Variants in SLC44A5 observed in about 807,000 individuals in gnomAD.
SLC44A5 encodes the protein choline transporter-like protein 5.
SLC44A5 carries 57 observed loss-of-function variants against 101.8 expected under a neutral mutation model. The observed-to-expected ratio is 0.56, with a 90% CI of 0.45 to 0.70. The LOEUF is 0.70. Among genes scored for constraint, SLC44A5 ranks in the 30% least tolerant of loss-of-function variants. The pLI, the probability that SLC44A5 is intolerant of heterozygous loss-of-function variation, is 0.00. For synonymous variants in SLC44A5, 281 were observed against 290.9 expected (o/e 0.97, Z 0.35); for missense variants, 737 against 853.1 (o/e 0.86, Z 1.70).
chr1:75,306,466 T>A (rs1002089317), intron 4 of SLC44A5, among the ~76,000 whole-genome samples: 3 of 152,176 alleles, frequency 2.0e-5, no homozygotes, highest in African/African-American at 4.8e-5. Context: ...GTAGTGAATA[T>A]GTTGCTTAGA....
At chr1:75,679,642 C>G in the SLC44A5 span, among the ~76,000 whole-genome samples, 1 of 152,044 alleles carries the variant, frequency 6.6e-6, no homozygotes, top group African/African-American at 2.4e-5. Flanking sequence ...CAACTGGTAC[C>G]AGCCGCTGCA....
intron 2 of SLC44A5, among the ~76,000 whole-genome samples, chr1:75,518,065 T>C (rs1669931130): frequency 6.6e-6 from 1 of 152,216 alleles, no homozygotes; most frequent in South Asian, 2.1e-4. Context: ...TAAAGCTACA[T>C]ATATATTCGA....
At chr1:75,447,649 A>G (rs1456732092) in intron 2 of SLC44A5, among the ~76,000 whole-genome samples, 1 of 152,110 alleles carries the variant, frequency 6.6e-6, no homozygotes, top group African/African-American at 2.4e-5. Context: ...ATTGAAAGTG[A>G]TGATTTCTAG....
At chr1:75,654,036 G>C in the SLC44A5 span, among the ~76,000 whole-genome samples, 1 of 152,140 alleles carries the variant, frequency 6.6e-6, no homozygotes. Flanking sequence ...TTTAGAAATG[G>C]ATAGCATTCA....
At chr1:75,296,574 G>A (rs1653982783) in intron 5 of SLC44A5, among the ~76,000 whole-genome samples, 1 of 151,854 alleles carries the variant, frequency 6.6e-6, no homozygotes, top group Non-Finnish European at 1.5e-5. Flanking sequence ...GAATTCATTA[G>A]GTACATTTCC....
chr1:75,309,459 T>C (rs1043184345), intron 4 of SLC44A5, among the ~76,000 whole-genome samples: 3 of 152,162 alleles, frequency 2.0e-5, no homozygotes, highest in Admixed American at 6.5e-5. Flanking sequence ...TTTTTAAAAA[T>C]AATAAAAAGG....
chr1:75,444,843 C>T (rs1665457479), intron 2 of SLC44A5, among the ~76,000 whole-genome samples: 1 of 152,052 alleles, frequency 6.6e-6, no homozygotes, highest in African/African-American at 2.4e-5. Context: ...TCATGAAGTA[C>T]TCTTCTGAGC....
At chr1:75,431,589 C>G (rs1664614390) in intron 2 of SLC44A5, among the ~76,000 whole-genome samples, 1 of 152,164 alleles carries the variant, frequency 6.6e-6, no homozygotes. Context: ...ATTTCTTCAG[C>G]ATTTAATAGT....
intron 3 of SLC44A5, among the ~76,000 whole-genome samples, chr1:75,373,110 T>C (rs1660338111): frequency 6.6e-6 from 1 of 152,120 alleles, no homozygotes; most frequent in Non-Finnish European, 1.5e-5. Flanking sequence ...AGTGTCAGAA[T>C]CAAGAAAAAG....
chr1:75,274,943 G>T lies in SLC44A5; in HGVS notation c.260+15C>A. 2 of 1,602,530 alleles carry T rather than the reference G, an allele frequency of 1.2e-6. No homozygotes were observed. Among genetic ancestry groups the T allele is most frequent in the Non-Finnish European group, 8.5e-7 (1 of 1,171,156 alleles). Reference sequence around the variant, plus strand: ...AGACAGTAAAATCACACAAAGCAAAGGTGGCCATACTCACTCATTGGGAGT... The same window carrying T: ...AGACAGTAAAATCACACAAAGCAAATGTGGCCATACTCACTCATTGGGAGT... On this transcript the variant is annotated intron_variant, in intron 6 of 23. Transcript: ENST00000370859.
intron 6 of SLC44A5, among the ~76,000 whole-genome samples, chr1:75,265,202 T>C (rs1650887155): frequency 6.6e-6 from 1 of 152,212 alleles, no homozygotes; most frequent in South Asian, 2.1e-4. Context: ...ACCACTTCTC[T>C]TCAAACTATT....
chr1:75,697,157 T>A, the SLC44A5 span, among the ~76,000 whole-genome samples: 1 of 152,056 alleles, frequency 6.6e-6, no homozygotes, highest in Admixed American at 6.5e-5. Flanking sequence ...ACCTATAGTC[T>A]CAGTACTTTG....
At chr1:75,466,920 T>C (rs1666853359) in intron 2 of SLC44A5, among the ~76,000 whole-genome samples, 1 of 152,168 alleles carries the variant, frequency 6.6e-6, no homozygotes, top group Non-Finnish European at 1.5e-5. Flanking sequence ...GATGATATGA[T>C]TTTGTATTTG....
At chr1:75,617,610 G>C in the SLC44A5 span, among the ~76,000 whole-genome samples, 35 of 152,236 alleles carry the variant, frequency 2.3e-4, no homozygotes, top group Middle Eastern at 3.4e-3. Context: ...AGAAACATGT[G>C]AAATGACCAA....
chr1:75,499,888 A>G (rs1439377568), intron 2 of SLC44A5, among the ~76,000 whole-genome samples: 1 of 152,110 alleles, frequency 6.6e-6, no homozygotes, highest in Non-Finnish European at 1.5e-5. Flanking sequence ...CCTCCTTTGT[A>G]GTTAGGTGTG....
chr1:75,593,383 G>T (rs538495680), intron 1 of SLC44A5, among the ~76,000 whole-genome samples: 1 of 152,170 alleles, frequency 6.6e-6, no homozygotes, highest in African/African-American at 2.4e-5. Context: ...GTACACTTTT[G>T]GTGGGAATGT....
the SLC44A5 span, among the ~76,000 whole-genome samples, chr1:75,684,924 C>T: frequency 8.2e-4 from 125 of 152,320 alleles, no homozygotes; most frequent in Non-Finnish European, 1.3e-3. Context: ...TCCACACTGA[C>T]CTAGAAGAGG....
At chr1:75,371,624 ATC>A (rs1660228629) in intron 3 of SLC44A5, among the ~76,000 whole-genome samples, 1 of 152,238 alleles carries the variant, frequency 6.6e-6, no homozygotes, top group African/African-American at 2.4e-5. Flanking sequence ...TAGCCACTTT[ATC>A]TGTTTTTAAT....
chr1:75,523,654 TAAGAC>T (rs1397798120), intron 2 of SLC44A5, among the ~76,000 whole-genome samples: 1 of 152,182 alleles, frequency 6.6e-6, no homozygotes, highest in Non-Finnish European at 1.5e-5. Context: ...CACAACAACT[TAAGAC>T]AAATAAGCTA....
Sources: gnomAD v4.1 joint callset for allele counts (sites outside exome capture counted in the v4.1 genomes callset) on GRCh38, gnomAD v4.1.1 for gene constraint, MANE v1.5 for transcripts, NCBI Gene and HGNC (gene_info 2026-07-23, HGNC 2026-07-21) for gene names.